The following WDR46 variants were observed in gnomAD, a reference collection of about 807,000 sequenced individuals.
WDR46 encodes the protein WD repeat domain 46, also known as WD repeat-containing protein 46.
WDR46 carries 58 observed loss-of-function variants against 74.7 expected under a neutral mutation model. The ratio of observed to expected loss-of-function variants is 0.78; its 90% CI spans 0.63 to 0.97. The LOEUF is 0.97. Among genes scored for constraint, WDR46 ranks in the 50% least tolerant of loss-of-function variants. The pLI is 0.00. For synonymous variants in WDR46, 278 were observed against 297.3 expected, an observed-to-expected ratio of 0.93 and a Z score of 0.67; for missense variants, 702 against 790.1, an observed-to-expected ratio of 0.89 and a Z score of 1.34.
intron 10 of WDR46, among the ~76,000 whole-genome samples, chr6:33,282,749 T>C (rs770326002): frequency 3.5e-4 from 53 of 151,948 alleles, no homozygotes; most frequent in Admixed American, 1.1e-3. Context: ...GATTAAGCCC[T>C]AAGCACAGGA....
intron 1 of WDR46, 22 bp from the exon 2 acceptor site, chr6:33,289,035 C>T: frequency 6.2e-7 from 1 of 1,612,780 alleles, no homozygotes; most frequent in Non-Finnish European, 8.5e-7. Flanking sequence ...TCAGGAACTC[C>T]GCACTCACGC....
intron 10 of WDR46, among the ~76,000 whole-genome samples, chr6:33,283,065 C>T (rs778217089): frequency 1.3e-5 from 2 of 151,976 alleles, no homozygotes; most frequent in Non-Finnish European, 2.9e-5. Flanking sequence ...AAAAATTAGC[C>T]GGGTGTGGTG....
In WDR46 at chr6:33,279,610, C is replaced by T; in HGVS notation, c.1621G>A (p.Gly541Ser). 4 of 1,614,156 alleles carry T rather than the reference C, an allele frequency of 2.5e-6. No individual in the cohort carries two copies. Among genetic ancestry groups the T allele is most frequent in the Non-Finnish European group, 3.4e-6 (4 of 1,180,030 alleles). ...GGAGCCTTAGCCTGCGGGTCATAGC[C>T]CTGAGGGAGGGGACAGGAGTGATAT... ...QGKKEQIERLGYDPQAKAPFQ... is the reference protein window; with the variant it reads ...QGKKEQIERLSYDPQAKAPFQ... Residue 541 changes from glycine (G) to serine (S), a missense_variant and splice_region_variant, in exon 14 of 15, where the codon GGC becomes AGC. Transcript: ENST00000374617.
chr6:33,279,512 C>T lies in WDR46; in HGVS notation c.1719G>A (p.Met573Ile). ...GCTCATTTACCCTGTGTTCCTCATC[C>T]ATGACCTTCCTCTTCCTCTTCACCA... ...ASLVKRKRKV[M>I]DEEHRDKVRQ... The change falls in exon 14 of 15, where the codon ATG (methionine) becomes ATA (isoleucine). Residue 573 changes from methionine to isoleucine, a missense_variant. Coordinates refer to ENST00000374617, the MANE Select transcript of WDR46 (RefSeq NM_005452.6). 6.2e-7 allele frequency: 1 copy of T among 1,613,558 alleles called. No homozygotes were observed. The highest frequency in any genetic ancestry group is 1.3e-5 in the African/African-American group (1 of 75,082).
chr6:33,283,250 G>T (rs1027938999), intron 10 of WDR46, among the ~76,000 whole-genome samples: 1 of 151,974 alleles, frequency 6.6e-6, no homozygotes, highest in Admixed American at 6.6e-5. Context: ...GGAGCGGGTG[G>T]TGGGGGGGGT....
rs771064524 is a variant in WDR46, at chr6:33,288,645, T to C, written c.329A>G (p.Gln110Arg). 6 of 1,611,072 alleles carry C rather than the reference T, an allele frequency of 3.7e-6. No homozygotes were observed. Among genetic ancestry groups the C allele is most frequent in the Non-Finnish European group, 5.1e-6 (6 of 1,178,908 alleles). The stretch of plus-strand genomic sequence containing the variant: ...GGATTTGTCAATGCGACAGAACTTC[T>C]GGACCACTTCCACAGGGACGGGGGC... ...GPAPVPVEVV[Q>R]KFCRIDKSRK... Residue 110 changes from glutamine (Q) to arginine (R), a missense_variant, in exon 3 of 15, where the codon CAG becomes CGG. Transcript: ENST00000374617.
chr6:33,281,768 G>A (rs1177828602), intron 10 of WDR46, among the ~76,000 whole-genome samples: 1 of 152,170 alleles, frequency 6.6e-6, no homozygotes, highest in Non-Finnish European at 1.5e-5. Context: ...AAGGAAGGAG[G>A]GAAGGTTGGT....
At position 33,288,818 on chromosome 6, in the gene WDR46, G is replaced by C; in HGVS notation, c.265C>G (p.Arg89Gly). ...CCCACGCTCACCCCGGACAAGCCGC[G>C]CTGGGACTCCGGGTTCTTCCATTCT... ...PREWKNPESQRGLSGTQDPFP... is the reference protein window; with the variant it reads ...PREWKNPESQGGLSGTQDPFP... The change falls in exon 2 of 15, where the codon CGC becomes GGC. Residue 89 changes from arginine to glycine, a missense_variant. By Grantham distance (125) the Arg-to-Gly change is moderately radical. Transcript: ENST00000374617. 6.2e-7 allele frequency: 1 copy of C among 1,614,098 alleles called. No homozygotes were observed. Among genetic ancestry groups the C allele is most frequent in the Non-Finnish European group, 8.5e-7 (1 of 1,179,998 alleles).
At position 33,281,592 on chromosome 6, in the gene WDR46, T is replaced by A. The variant is rs149640500; in HGVS notation, c.1116-605A>T. Among the ~76,000 whole-genome samples, 30 of 152,292 alleles carry A rather than the reference T, an allele frequency of 2.0e-4. No individual in the cohort carries two copies. The East Asian group carries it at 4.4e-3, about 22-fold the overall frequency. On this transcript the variant is annotated intron_variant, in intron 10 of 14. Transcript: ENST00000374617. ...TCAGGAGCAGACAATTTGTGAGGTT[T>A]CTTTAAAGTCAGACTGAGGACCCAC...
At chr6:33,281,823 T>G (rs1245981710) in intron 10 of WDR46, among the ~76,000 whole-genome samples, 1 of 145,562 alleles carries the variant, frequency 6.9e-6, no homozygotes, top group African/African-American at 2.5e-5. Context: ...AGTTGTTTAC[T>G]TTCAGAAGTT....
intron 12 of WDR46, 107 bp downstream of exon 12, chr6:33,280,321 A>T (rs1581664885): frequency 5.1e-6 from 6 of 1,185,686 alleles, no homozygotes; most frequent in African/African-American, 1.6e-5. Flanking sequence ...GCAGGGGGGA[A>T]CCTGACCTTC....
At chr6:33,284,914 T>G (rs977439747) in intron 10 of WDR46, 1 of 153,852 alleles carries the variant, frequency 6.5e-6, no homozygotes, top group African/African-American at 2.4e-5. Flanking sequence ...TACAGCATCC[T>G]GATTTGCACT....
rs1766090098 is a variant in WDR46 at position 33,280,659 on chromosome 6, C to T, written c.1429+15G>A. ...GAGTTCATTCACTTCAAGCCCCATC[C>T]CCTGGCCCACTCACCAGGGACCAGC... On this transcript the variant is annotated intron_variant, in intron 11 of 14. Coordinates refer to ENST00000374617, the MANE Select transcript of WDR46 (RefSeq NM_005452.6). 2 of 1,583,804 alleles carry T rather than the reference C, an allele frequency of 1.3e-6. No homozygotes were observed. Among genetic ancestry groups the T allele is most frequent in the Non-Finnish European group, 1.7e-6 (2 of 1,161,920 alleles).
chr6:33,280,473 G>A lies in WDR46; in HGVS notation c.1479C>T (p.Ser493=). The A allele has an allele frequency of 6.3e-7, 1 of 1,598,578 alleles. No homozygotes were observed. Among genetic ancestry groups the A allele is most frequent in the Non-Finnish European group, 8.5e-7 (1 of 1,171,666 alleles). ...CCTCCCACTCCTGGCGCTGCTTCCG[G>A]CTTCTGTATGGATTACTCTCCAGGC... ...FDGLESNPYR[S]RKQRQEWEVK... is the part of the protein sequence containing the mutation. The change falls in exon 12 of 15, where the codon AGC becomes AGT. Residue 493 remains serine, a synonymous_variant. Coordinates refer to ENST00000374617, the MANE Select transcript of WDR46 (RefSeq NM_005452.6).
Position 33,279,778 on chromosome 6 carries a change from G to A in WDR46, c.1606C>T (p.Gln536Ter). 1 of 1,614,096 alleles carries A rather than the reference G, an allele frequency of 6.2e-7. No homozygotes were observed. The highest frequency in any genetic ancestry group is 8.5e-7 in the Non-Finnish European group (1 of 1,179,998). Reference protein sequence around the residue: ...VISLEQGKKEQIERLGYDPQA... With the variant: ...VISLEQGKKE Reference sequence around the variant, plus strand: ...CTGCTCCATACCAGCCTCTCTATCTGCTCCTTCTTTCCCTGCTCCAGGGAG... The same window carrying A: ...CTGCTCCATACCAGCCTCTCTATCTACTCCTTCTTTCCCTGCTCCAGGGAG... The change falls in exon 13 of 15, where the codon CAG (glutamine) becomes TAG (stop). Residue 536 changes from glutamine (Q) to a stop codon, truncating the protein, a stop_gained. Transcript: ENST00000374617. LOFTEE classifies it high-confidence loss of function.
At chr6:33,279,994 T>C in intron 12 of WDR46, 135 bp from the exon 13 acceptor site, 1 of 793,688 alleles carries the variant, frequency 1.3e-6, no homozygotes, top group Non-Finnish European at 2.0e-6. Flanking sequence ...TTTCTCTACC[T>C]CCAACCCCAA....
chr6:33,287,417 G>A lies in WDR46; in HGVS notation c.817C>T (p.Arg273Cys), dbSNP rs141256696. 6.6e-5 allele frequency: 107 copies of A among 1,612,034 alleles called. No individual in the cohort carries two copies. Among genetic ancestry groups the A allele is most frequent in the African/African-American group, 2.2e-4 (16 of 74,236 alleles). The part of the protein sequence containing the change: ...DNQGIELHCI[R>C]RCDRVTRLEF... ...AGCCGTGTTACTCGGTCACAGCGGCGGATACAGTGGAGCTCAATGCCCTGA... is the reference window on the plus strand; with the variant it reads ...AGCCGTGTTACTCGGTCACAGCGGCAGATACAGTGGAGCTCAATGCCCTGA... The change falls in exon 8 of 15, where the codon CGC (arginine) becomes TGC (cysteine). Residue 273 changes from arginine (R) to cysteine (C), a missense_variant. Coordinates refer to ENST00000374617, the MANE Select transcript of WDR46 (RefSeq NM_005452.6).
At chr6:33,286,155 A>T (rs1429449207) in intron 10 of WDR46, among the ~76,000 whole-genome samples, 1 of 140,456 alleles carries the variant, frequency 7.1e-6, no homozygotes, top group Non-Finnish European at 1.6e-5. Flanking sequence ...AAAAGATTTA[A>T]AAAAAAAAAG....
At chr6:33,279,724 G>A (rs1304595001) in intron 13 of WDR46, 40 bp downstream of exon 13, 5 of 1,613,002 alleles carry the variant, frequency 3.1e-6, no homozygotes, top group Non-Finnish European at 4.2e-6. Flanking sequence ...AGGATGTGGG[G>A]GAGAAGACGG....
Sources: allele counts gnomAD v4.1 joint callset (sites outside exome capture counted in the v4.1 genomes callset), GRCh38; gene constraint gnomAD v4.1.1; transcripts MANE v1.5; gene names NCBI Gene and HGNC (gene_info 2026-07-23, HGNC 2026-07-21).